Variants in BCL11A observed in about 807,000 individuals in gnomAD.
The protein encoded by BCL11A is BCL11 transcription factor A, also known as B cell CLL/lymphoma 11A.
BCL11A carries 2 observed loss-of-function variants against 55.9 expected under a neutral mutation model. That is an observed-to-expected ratio of 0.04 (90% CI 0.01 to 0.11). The LOEUF (loss-of-function observed/expected upper bound fraction) is 0.11. Among genes scored for constraint, BCL11A ranks in the 10% least tolerant of loss-of-function variants. BCL11A has a pLI of 1.00. For synonymous variants in BCL11A, 465 were observed against 473.4 expected, an observed-to-expected ratio of 0.98 and a Z score of 0.23; for missense variants, 817 against 1,137.1, an observed-to-expected ratio of 0.72 and a Z score of 4.05.
intron 1 of BCL11A, among the ~76,000 whole-genome samples, chr2:60,550,289 C>T (rs374236579): frequency 3.3e-5 from 5 of 152,224 alleles, no homozygotes; most frequent in Admixed American, 1.3e-4. Context: ...GGCCGCGCGC[C>T]CGGTCGCTTC....
intron 2 of BCL11A, chr2:60,534,033 TG>T (rs1395486380): frequency 6.6e-6 from 1 of 152,248 alleles, no homozygotes; most frequent in East Asian, 1.9e-4. Flanking sequence ...TGATTCTGCT[TG>T]TTAACCAGTG....
chr2:60,503,025 T>C (rs1192905224), intron 2 of BCL11A, among the ~76,000 whole-genome samples: 1 of 152,214 alleles, frequency 6.6e-6, no homozygotes, highest in Non-Finnish European at 1.5e-5. Flanking sequence ...GCTACTGGCT[T>C]GGAGCAAAAC....
At chr2:60,541,333 T>TA (rs1391344945) in intron 2 of BCL11A, among the ~76,000 whole-genome samples, 6 of 150,620 alleles carry the variant, frequency 4.0e-5, no homozygotes, top group Admixed American at 2.0e-4. Context: ...TTTAGATATA[T>TA]TTTTTTTTTC....
At chr2:60,524,373 G>A (rs758318613) in intron 2 of BCL11A, 2 of 152,148 alleles carry the variant, frequency 1.3e-5, no homozygotes, top group Non-Finnish European at 2.9e-5. Context: ...ATAATGGAAG[G>A]GGAAAGTAGA....
rs534998425 is a variant in BCL11A, at chr2:60,460,271, G to C, written c.*133C>G. ...ATTCTTAGCTTCGTTACTTCTGTTT[G>C]TTTGTTTGTTTGTTTAAATCACATG... On this transcript the variant is annotated 3_prime_UTR_variant, in exon 4 of 4. Coordinates refer to ENST00000642384, the MANE Select transcript of BCL11A (RefSeq NM_022893.4). 5.2e-5 allele frequency: 75 copies of C among 1,437,116 alleles called. 1 individual carries two copies. In the South Asian group the frequency reaches 1.1e-3, roughly 21 times the overall value. 89.0% of individuals were successfully genotyped at this position (1,437,116 alleles called of 1,614,324 possible). A position where few individuals can be genotyped will look rare whatever the true frequency, so the allele number is the denominator to read the frequency against.
At chr2:60,543,672 C>G (rs978772185) in intron 2 of BCL11A, 1 of 152,198 alleles carries the variant, frequency 6.6e-6, no homozygotes, top group Non-Finnish European at 1.5e-5. Context: ...TGAGATGTGA[C>G]CACACTATTT....
intron 2 of BCL11A, chr2:60,499,532 T>A (rs1000026756): frequency 6.6e-6 from 1 of 152,258 alleles, no homozygotes; most frequent in Non-Finnish European, 1.5e-5. Context: ...AAGACTCATG[T>A]GTAGCTGACT....
chr2:60,461,833 A>AGGGGGGGGGGTTGGAGGGGGGGGGG lies in BCL11A; in HGVS notation c.1078_1079insCCCCCCCCCCTCCAACCCCCCCCCC (p.Leu360ProfsTer220). Reference sequence around the variant, plus strand: ...AGGAGGGGCGGATTGCAGAGGAGGGAGGGGGGGCGTCGCCAGGAAGGGCGG... The same window carrying AGGGGGGGGGGTTGGAGGGGGGGGGG: ...AGGAGGGGCGGATTGCAGAGGAGGGAGGGGGGGGGGTTGGAGGGGGGGGGGGGGGGGGCGTCGCCAGGAAGGGCGG... On this transcript the variant is annotated frameshift_variant, in exon 4 of 4. Coordinates refer to ENST00000642384, the MANE Select transcript of BCL11A (RefSeq NM_022893.4). LOFTEE classifies it high-confidence loss of function. 1 of 605,356 alleles carries AGGGGGGGGGGTTGGAGGGGGGGGGG rather than the reference A, an allele frequency of 1.7e-6. No individual in the cohort carries two copies. Among genetic ancestry groups the AGGGGGGGGGGTTGGAGGGGGGGGGG allele is most frequent in the Admixed American group, 3.8e-5 (1 of 26,094 alleles). 37.5% of individuals were successfully genotyped at this position (605,356 alleles called of 1,614,324 possible).
intron 2 of BCL11A, among the ~76,000 whole-genome samples, chr2:60,487,708 T>C (rs1678362168): frequency 1.3e-5 from 2 of 152,162 alleles, no homozygotes; most frequent in South Asian, 4.1e-4. Flanking sequence ...ACTCCCTTAT[T>C]TATGAGCAGC....
intron 2 of BCL11A, among the ~76,000 whole-genome samples, chr2:60,506,441 T>C (rs1679597136): frequency 6.6e-6 from 1 of 152,248 alleles, no homozygotes; most frequent in Admixed American, 6.5e-5. Context: ...GGACGCCACA[T>C]GGGTCAACCC....
intron 2 of BCL11A, among the ~76,000 whole-genome samples, chr2:60,510,496 A>C (rs543768383): frequency 2.0e-5 from 3 of 152,140 alleles, no homozygotes; most frequent in African/African-American, 7.2e-5. Context: ...GTCACCATGC[A>C]CCCCTTACCC....
At chr2:60,531,862 C>T (rs1310058376) in intron 2 of BCL11A, among the ~76,000 whole-genome samples, 1 of 152,166 alleles carries the variant, frequency 6.6e-6, no homozygotes, top group Non-Finnish European at 1.5e-5. Context: ...CCACCCTGCC[C>T]CTCAAAGGAC....
chr2:60,536,491 C>A (rs1004976768), intron 2 of BCL11A: 3 of 152,140 alleles, frequency 2.0e-5, no homozygotes, highest in Non-Finnish European at 4.4e-5. Context: ...TGACCAATTC[C>A]GTTTGACACT....
At chr2:60,489,972 G>A (rs1015403269) in intron 2 of BCL11A, among the ~76,000 whole-genome samples, 7 of 152,092 alleles carry the variant, frequency 4.6e-5, no homozygotes, top group South Asian at 4.2e-4. Context: ...TGGAGGAGAG[G>A]GACAAGGGAC....
rs1675995033 is a variant in BCL11A at position 60,457,539 on chromosome 2, C to T, written c.*2865G>A. On this transcript the variant is annotated 3_prime_UTR_variant, in exon 4 of 4. Coordinates refer to ENST00000642384, the MANE Select transcript of BCL11A (RefSeq NM_022893.4). ...AAAAGGCCAATAACAAAATATTCTG[C>T]ATTGCCATTTACAAAAAAGTATTGA... The T allele has an allele frequency of 9.6e-7, 1 of 1,046,308 alleles. No homozygotes were observed. The highest frequency in any genetic ancestry group is 4.6e-5 in the South Asian group (1 of 21,804). The allele number at this position is 1,046,308 out of a possible 1,614,324, so 64.8% of individuals were successfully genotyped here.
intron 2 of BCL11A, among the ~76,000 whole-genome samples, chr2:60,469,742 G>A (rs1010774359): frequency 6.6e-6 from 1 of 152,142 alleles, no homozygotes; most frequent in African/African-American, 2.4e-5. Flanking sequence ...GCAATCTGGG[G>A]ATTTTACGGT....
exon 5 of BCL11A, chr2:60,451,870 G>A (rs1675737058): frequency 5.3e-6 from 1 of 189,292 alleles, no homozygotes; most frequent in Admixed American, 6.7e-5. Flanking sequence ...AAGTCAGACA[G>A]TTAGGAAAAC....
chr2:60,538,733 CTCTCTCTGTGTG>C (rs1473269049), intron 2 of BCL11A, among the ~76,000 whole-genome samples: 143 of 64,344 alleles, frequency 2.2e-3, no homozygotes, highest in African/African-American at 5.5e-3. Context: ...CTCTCTCTCT[CTCTCTCTGTGTG>C]TGTGTGTGTG....
chr2:60,467,147 ATGG>A (rs200378268), intron 3 of BCL11A, among the ~76,000 whole-genome samples: 96 of 45,004 alleles, frequency 2.1e-3, no homozygotes, highest in African/African-American at 2.9e-3. Flanking sequence ...GTTGGTGGTG[ATGG>A]TGGTGGTGGT....
Sources: gnomAD v4.1 joint callset for allele counts (sites outside exome capture counted in the v4.1 genomes callset) on GRCh38, gnomAD v4.1.1 for gene constraint, MANE v1.5 for transcripts, NCBI Gene and HGNC (gene_info 2026-07-23, HGNC 2026-07-21) for gene names.